Variants in NRG1 observed in about 807,000 individuals in gnomAD.
NRG1 encodes the protein pro-neuregulin-1, membrane-bound isoform.
Under a neutral mutation model 63.8 loss-of-function variants are expected in NRG1, and 18 were observed. The observed-to-expected ratio is 0.28, with a 90% CI of 0.19 to 0.42. The LOEUF is 0.42. Ranked by LOEUF, NRG1 falls within the 10% of genes least tolerant of loss-of-function variation. The probability of loss-of-function intolerance (pLI) is 1.00; values close to 1 mark genes in which losing one functional copy is unlikely to be tolerated. For missense variants in NRG1, 762 were observed against 814.7 expected, an observed-to-expected ratio of 0.94 and a Z score of 0.79; for synonymous variants, 302 against 301.3, an observed-to-expected ratio of 1.00 and a Z score of -0.02.
intron 1 of NRG1, among the ~76,000 whole-genome samples, chr8:32,298,750 C>T (rs1440401151): frequency 3.4e-5 from 5 of 147,184 alleles, no homozygotes; most frequent in East Asian, 4.0e-4. Context: ...AGAAAAAGAT[C>T]GGGTGCGGGG....
intron 1 of NRG1, among the ~76,000 whole-genome samples, chr8:32,155,995 A>G (rs1027338000): frequency 6.6e-6 from 1 of 152,216 alleles, no homozygotes; most frequent in African/African-American, 2.4e-5. Flanking sequence ...CACAGCAGTC[A>G]AAAGGATTGT....
chr8:32,240,676 CATT>C (rs1175308670), intron 1 of NRG1, among the ~76,000 whole-genome samples: 1 of 151,766 alleles, frequency 6.6e-6, no homozygotes, highest in Admixed American at 6.6e-5. Context: ...AAAATAGTAA[CATT>C]GTACTATTGT....
intron 1 of NRG1, among the ~76,000 whole-genome samples, chr8:31,927,847 C>A (rs977341371): frequency 6.7e-6 from 1 of 150,264 alleles, no homozygotes; most frequent in South Asian, 2.1e-4. Context: ...TTGAGTATTT[C>A]TTTTTTTAAA....
At chr8:32,219,733 C>T (rs897431002) in intron 1 of NRG1, among the ~76,000 whole-genome samples, 3 of 152,148 alleles carry the variant, frequency 2.0e-5, no homozygotes, top group African/African-American at 7.2e-5. Context: ...CGGGGAATTT[C>T]ATCTTGGTCG....
At chr8:32,284,021 G>C (rs913512282) in intron 1 of NRG1, among the ~76,000 whole-genome samples, 2 of 152,098 alleles carry the variant, frequency 1.3e-5, no homozygotes, top group Non-Finnish European at 2.9e-5. Flanking sequence ...TTGACATAAA[G>C]GTACTAGTTC....
At chr8:32,474,495 CTTT>C (rs10707813) in intron 1 of NRG1, among the ~76,000 whole-genome samples, 32 of 132,392 alleles carry the variant, frequency 2.4e-4, no homozygotes, top group African/African-American at 3.9e-4. Flanking sequence ...GTGATATTCC[CTTT>C]TTTTTTTTTT....
At chr8:32,481,968 G>A (rs947290081) in intron 1 of NRG1, among the ~76,000 whole-genome samples, 2 of 152,084 alleles carry the variant, frequency 1.3e-5, no homozygotes, top group African/African-American at 4.8e-5. Flanking sequence ...AAATACCCTG[G>A]CCTCCAACTA....
intron 5 of NRG1, among the ~76,000 whole-genome samples, chr8:32,639,296 C>T (rs370310392): frequency 3.3e-5 from 5 of 152,018 alleles, no homozygotes; most frequent in African/African-American, 1.2e-4. Flanking sequence ...ATCCCAGCTA[C>T]CTAGGAAGCC....
At chr8:31,745,681 A>G (rs1815777405) in intron 1 of NRG1, among the ~76,000 whole-genome samples, 1 of 151,870 alleles carries the variant, frequency 6.6e-6, no homozygotes, top group Non-Finnish European at 1.5e-5. Context: ...ATATTTCTTT[A>G]TGTATACATT....
chr8:31,639,349 G>T, exon 1 of NRG1: 6 of 1,533,228 alleles, frequency 3.9e-6, no homozygotes, highest in South Asian at 1.2e-5. Flanking sequence ...GGACGGGGAC[G>T]CCCAGGAGGA....
intron 1 of NRG1, among the ~76,000 whole-genome samples, chr8:32,466,286 C>A (rs1472116345): frequency 2.0e-5 from 3 of 151,568 alleles, no homozygotes; most frequent in African/African-American, 7.3e-5. Context: ...ATGTTTATAC[C>A]CCTGCAATCC....
intron 1 of NRG1, among the ~76,000 whole-genome samples, chr8:32,581,111 G>A (rs564906478): frequency 2.0e-4 from 31 of 152,290 alleles, no homozygotes; most frequent in African/African-American, 6.7e-4. Flanking sequence ...AACTCCAGGA[G>A]AACAAGGATC....
intron 1 of NRG1, among the ~76,000 whole-genome samples, chr8:32,564,841 A>T (rs1467921400): frequency 2.6e-5 from 4 of 151,904 alleles, no homozygotes; most frequent in Non-Finnish European, 5.9e-5. Context: ...CAGGAGGATT[A>T]CTTGAGCTCA....
intron 1 of NRG1, among the ~76,000 whole-genome samples, chr8:31,680,191 G>A (rs568574045): frequency 3.7e-4 from 56 of 151,760 alleles, no homozygotes; most frequent in Non-Finnish European, 6.6e-4. Flanking sequence ...TGCACAATGT[G>A]CAGGTTAGTT....
chr8:32,481,150 C>T (rs575501660), intron 1 of NRG1, among the ~76,000 whole-genome samples: 5 of 152,106 alleles, frequency 3.3e-5, no homozygotes, highest in African/African-American at 1.2e-4. Flanking sequence ...TCAAGAGCAG[C>T]CTGGGCAACA....
chr8:31,639,730 T>C lies in NRG1; in HGVS notation c.37+299T>C, dbSNP rs1187044206. 5.1e-6 allele frequency: 7 copies of C among 1,378,292 alleles called. No homozygotes were observed. In the African/African-American group the frequency reaches 7.7e-5, roughly 15 times the overall value. The allele number at this position is 1,378,292 out of a possible 1,614,324, so 85.4% of individuals were successfully genotyped here. A position where few individuals can be genotyped will look rare whatever the true frequency, so the allele number is the denominator to read the frequency against. ...GTAACTGAGGCGGCGGCAGCGGTTT[T>C]TTTGCCTTTTCTATTTTGCCTTTTT... On this transcript the variant is annotated intron_variant, in intron 1 of 10. Transcript: ENST00000519301.
chr8:32,177,028 C>G (rs1021183293), intron 1 of NRG1, among the ~76,000 whole-genome samples: 6 of 152,144 alleles, frequency 3.9e-5, no homozygotes, highest in African/African-American at 1.2e-4. Context: ...CACATGCACA[C>G]ATATGTTTAT....
chr8:31,676,578 C>T (rs539525847), intron 1 of NRG1, among the ~76,000 whole-genome samples: 1 of 152,280 alleles, frequency 6.6e-6, no homozygotes, highest in East Asian at 1.9e-4. Context: ...CACCCCATAT[C>T]TGCTTAATCA....
intron 1 of NRG1, among the ~76,000 whole-genome samples, chr8:32,215,038 C>A (rs1283918175): frequency 6.6e-6 from 1 of 152,056 alleles, no homozygotes; most frequent in Non-Finnish European, 1.5e-5. Flanking sequence ...TGGGGGACAC[C>A]CAGTCAAATT....
Sources: allele counts gnomAD v4.1 joint callset (sites outside exome capture counted in the v4.1 genomes callset), GRCh38; gene constraint gnomAD v4.1.1; transcripts MANE v1.5; gene names NCBI Gene and HGNC (gene_info 2026-07-23, HGNC 2026-07-21).